The following DPF2 variants were observed in gnomAD, a reference collection of about 807,000 sequenced individuals.
DPF2 encodes the protein double PHD fingers 2.
DPF2 carries 10 observed loss-of-function variants against 59.6 expected under a neutral mutation model. The observed-to-expected ratio is 0.17, with a 90% confidence interval of 0.10 to 0.28. The LOEUF (loss-of-function observed/expected upper bound fraction) is 0.28. Ranked by LOEUF, DPF2 falls within the 10% of genes least tolerant of loss-of-function variation. The probability of loss-of-function intolerance (pLI) is 1.00; values close to 1 mark genes in which losing one functional copy is unlikely to be tolerated. For synonymous variants in DPF2, 189 were observed against 190.6 expected (o/e 0.99, Z 0.07); for missense variants, 315 against 509.4 (o/e 0.62, Z 3.67).
intron 1 of DPF2, among the ~76,000 whole-genome samples, chr11:65,337,765 G>C (rs972653007): frequency 1.3e-5 from 2 of 151,560 alleles, no homozygotes; most frequent in Non-Finnish European, 2.9e-5. Context: ...GCATCACTAA[G>C]CCTAGCTGAT....
Position 65,341,439 on chromosome 11 carries a change from G to T in DPF2, c.342G>T (p.Gln114His), listed in dbSNP as rs749604204. 1 of 1,614,238 alleles carries T rather than the reference G, an allele frequency of 6.2e-7. No homozygotes were observed. The highest frequency in any genetic ancestry group is 8.5e-7 in the Non-Finnish European group (1 of 1,180,046). The change falls in exon 4 of 11, where the codon CAG becomes CAT. Residue 114 changes from glutamine to histidine, a missense_variant. Transcript: ENST00000528416. ...TGAAGAAGGAGGGGCTGATCTCTCAGGATGGCAGTAGTTTAGAGGCTCTGT... is the reference window on the plus strand; with the variant it reads ...TGAAGAAGGAGGGGCTGATCTCTCATGATGGCAGTAGTTTAGAGGCTCTGT... ...QTLKKEGLIS[Q>H]DGSSLEALLR...
rs1590940473 is a variant in DPF2 at position 65,350,895 on chromosome 11, C to T, written c.1100-788C>T. On this transcript the variant is annotated intron_variant, in intron 10 of 10. Coordinates refer to ENST00000528416, the MANE Select transcript of DPF2 (RefSeq NM_006268.5). ...TATAGAGGCTGAGGCAAGAGAATTG[C>T]TTGAATCTGGGAGGCAGAGGTTAGA... Among the ~76,000 whole-genome samples the T allele has an allele frequency of 2.6e-5, 4 of 151,326 alleles. No individual in the cohort carries two copies. In the South Asian group the frequency reaches 8.4e-4, roughly 32 times the overall value.
intron 6 of DPF2, chr11:65,344,606 A>C: frequency 6.5e-7 from 1 of 1,535,970 alleles, no homozygotes; most frequent in Non-Finnish European, 8.7e-7. Context: ...GCATACCTCG[A>C]AAGCGCCCCA....
intron 1 of DPF2, 108 bp downstream of exon 1, chr11:65,334,026 A>G (rs2137675945): frequency 1.3e-6 from 2 of 1,498,536 alleles, no homozygotes; most frequent in South Asian, 1.2e-5. Context: ...TCCCCGGGAA[A>G]GCCATGTTGC....
rs190268769 is a variant in DPF2 at position 65,351,047 on chromosome 11, A to G, written c.1100-636A>G. Among the ~76,000 whole-genome samples, 5 of 152,146 alleles carry G rather than the reference A, an allele frequency of 3.3e-5. No individual in the cohort carries two copies. In the East Asian group the frequency reaches 9.7e-4, roughly 29 times the overall value. On this transcript the variant is annotated intron_variant, in intron 10 of 10. Coordinates refer to ENST00000528416, the MANE Select transcript of DPF2 (RefSeq NM_006268.5). ...AGACTGTATGTGGCTCACACACCCTAAAATATTTAACACTCTGGCTCTTTA... is the reference window on the plus strand; with the variant it reads ...AGACTGTATGTGGCTCACACACCCTGAAATATTTAACACTCTGGCTCTTTA...
chr11:65,347,519 G>A (rs924857574), intron 9 of DPF2: 3 of 151,670 alleles, frequency 2.0e-5, no homozygotes, highest in Non-Finnish European at 4.4e-5. Flanking sequence ...ATTTTTGGTA[G>A]AGACAGGGTC....
At chr11:65,351,522 T>G (rs1854697033) in intron 10 of DPF2, among the ~76,000 whole-genome samples, 161 bp from the exon 11 acceptor site, 1 of 152,238 alleles carries the variant, frequency 6.6e-6, no homozygotes, top group African/African-American at 2.4e-5. Flanking sequence ...ACTTAGAGGT[T>G]TATCCCAGCT....
chr11:65,353,547 A>C lies in DPF2; in HGVS notation c.*1788A>C, dbSNP rs1854785095. 6.6e-6 allele frequency among the ~76,000 whole-genome samples: 1 copy of C among 152,232 alleles called. No homozygotes were observed. Among genetic ancestry groups the C allele is most frequent in the South Asian group, 2.1e-4 (1 of 4,832 alleles). ...GCAGTGCAGCCCTGCAGCCTTTCCC[A>C]GGGCACGTTGATGTGCACACAGTTT... On this transcript the variant is annotated 3_prime_UTR_variant, in exon 11 of 11. Transcript: ENST00000528416.
intron 9 of DPF2, chr11:65,346,827 G>A (rs1239923463): frequency 1.3e-5 from 2 of 158,438 alleles, no homozygotes; most frequent in African/African-American, 4.8e-5. Context: ...TCCCAGGAAA[G>A]GAGCAGCCAG....
At chr11:65,343,082 C>T (rs951089134) in intron 4 of DPF2, among the ~76,000 whole-genome samples, 1 of 151,618 alleles carries the variant, frequency 6.6e-6, no homozygotes, top group Non-Finnish European at 1.5e-5. Flanking sequence ...GTTGGATCAC[C>T]TGAGGTCGGG....
intron 1 of DPF2, among the ~76,000 whole-genome samples, chr11:65,339,322 G>A (rs1462677678): frequency 6.6e-6 from 1 of 151,848 alleles, no homozygotes; most frequent in Non-Finnish European, 1.5e-5. Context: ...GTTAAACCCT[G>A]CAAGATGAGA....
intron 9 of DPF2, chr11:65,348,122 A>G (rs1275777614): frequency 6.6e-6 from 1 of 151,808 alleles, no homozygotes; most frequent in Non-Finnish European, 1.5e-5. Flanking sequence ...CTGTCTCCAC[A>G]AAAAAAATAA....
At chr11:65,349,770 T>G (rs1854639226) in intron 10 of DPF2, among the ~76,000 whole-genome samples, 1 of 149,232 alleles carries the variant, frequency 6.7e-6, no homozygotes, top group South Asian at 2.1e-4. Context: ...CACTCCAGCC[T>G]GGGCGACAGA....
chr11:65,340,381 G>T lies in DPF2; in HGVS notation c.33-4G>T, dbSNP rs766753199. 6.4e-5 allele frequency: 104 copies of T among 1,613,568 alleles called. No homozygotes were observed. The highest frequency in any genetic ancestry group is 5.9e-5 in the Non-Finnish European group (70 of 1,179,672). On this transcript the variant is annotated splice_polypyrimidine_tract_variant and splice_region_variant and intron_variant, in intron 1 of 10. Coordinates refer to ENST00000528416, the MANE Select transcript of DPF2 (RefSeq NM_006268.5). The stretch of plus-strand genomic sequence containing the variant: ...TACACGCCTGATTTCTATCTTCCCT[G>T]CAGCCTTGGGGAGCAGTACTACAAA...
chr11:65,335,084 T>TA (rs993945661), intron 1 of DPF2, among the ~76,000 whole-genome samples: 5 of 151,226 alleles, frequency 3.3e-5, no homozygotes, highest in African/African-American at 1.2e-4. Context: ...GGTTTGTTTT[T>TA]TTTTTTTTTA....
At chr11:65,340,061 C>T (rs1416014183) in intron 1 of DPF2, among the ~76,000 whole-genome samples, 5 of 152,174 alleles carry the variant, frequency 3.3e-5, no homozygotes, top group Admixed American at 2.6e-4. Context: ...AGAGAAATAG[C>T]ATCTTAACTA....
intron 4 of DPF2, 62 bp downstream of exon 4, chr11:65,341,624 G>A (rs1854377433): frequency 6.3e-7 from 1 of 1,598,488 alleles, no homozygotes; most frequent in Admixed American, 1.7e-5. Flanking sequence ...CTTCACTGGG[G>A]GCCACCTAGT....
chr11:65,346,103 G>A lies in DPF2; in HGVS notation c.904+45G>A, dbSNP rs569277444. ...CTGCTGCTTTGCCCAGTCCCCAAGG[G>A]GCTCTTGGCTTGCTGGCCTCTAGGG... is the stretch of plus-strand genomic sequence containing the variant. On this transcript the variant is annotated intron_variant, in intron 8 of 10. Transcript: ENST00000528416. 2.9e-5 allele frequency: 46 copies of A among 1,610,470 alleles called. 3 individuals carry two copies. The South Asian group carries it at 4.5e-4, about 16-fold the overall frequency.
At chr11:65,337,349 A>G (rs1480106401) in intron 1 of DPF2, among the ~76,000 whole-genome samples, 1 of 149,476 alleles carries the variant, frequency 6.7e-6, no homozygotes, top group Non-Finnish European at 1.5e-5. Flanking sequence ...AGGCAAGAGA[A>G]TCGTTGGAAC....
Sources: allele counts gnomAD v4.1 joint callset (sites outside exome capture counted in the v4.1 genomes callset), GRCh38; gene constraint gnomAD v4.1.1; transcripts MANE v1.5; gene names NCBI Gene and HGNC (gene_info 2026-07-23, HGNC 2026-07-21).